Variants in CD163L1 observed in about 807,000 individuals in gnomAD.
CD163L1 encodes the protein CD163 molecule like 1.
Under a neutral mutation model 165.4 loss-of-function variants are expected in CD163L1, and 124 were observed. The observed-to-expected ratio is 0.75, with a 90% CI of 0.65 to 0.87. The LOEUF (loss-of-function observed/expected upper bound fraction) is 0.87, where lower values mean the gene tolerates loss of function less well. Ranked by LOEUF, CD163L1 falls within the 40% of genes least tolerant of loss-of-function variation. CD163L1 has a pLI of 0.00. For missense variants in CD163L1, 1,525 were observed against 1,799.9 expected (o/e 0.85, Z 2.76); for synonymous variants, 585 against 662.2 (o/e 0.88, Z 1.79).
In CD163L1 at chr12:7,432,585, T is replaced by C. The variant is rs1948647981; in HGVS notation, c.597A>G (p.Pro199=). The change falls in exon 4 of 20, where the codon CCA becomes CCG. Residue 199 remains proline, a synonymous_variant. Transcript: ENST00000313599. This position sits in a 1 kb window ranked among gnomAD's most constrained non-coding sequence, Gnocchi z 4.2. Reference sequence around the variant, plus strand: ...CAACTCCAGAAGAAATAAAAGAAGATGGACATCCTAGTTGCCTGCACACCA... The same window carrying C: ...CAACTCCAGAAGAAATAAAAGAAGACGGACATCCTAGTTGCCTGCACACCA... The part of the protein sequence containing the change: ...AAVVCRQLGC[P]SSFISSGVVN... The C allele has an allele frequency of 6.2e-7, 1 of 1,614,138 alleles. No homozygotes were observed. Among genetic ancestry groups the C allele is most frequent in the African/African-American group, 1.3e-5 (1 of 75,004 alleles).
the CD163L1 span, among the ~76,000 whole-genome samples, chr12:7,333,257 A>T: frequency 2.8e-3 from 431 of 152,328 alleles, 5 homozygotes; most frequent in African/African-American, 9.1e-3. Context: ...ACTCCTCAGC[A>T]AATGTAAAAG....
At chr12:7,431,365 C>T (rs1383008654) in intron 4 of CD163L1, among the ~76,000 whole-genome samples, 3 of 151,266 alleles carry the variant, frequency 2.0e-5, no homozygotes, top group Non-Finnish European at 2.9e-5. Flanking sequence ...TGCAGTGAGC[C>T]GAGATCATGC....
the CD163L1 span, chr12:7,327,082 A>T: frequency 1.9e-6 from 3 of 1,605,478 alleles, no homozygotes; most frequent in South Asian, 1.1e-5. Context: ...GCACCTTACA[A>T]ATATCCAAGA....
At chr12:7,360,137 T>C (rs529708836) in intron 18 of CD163L1, among the ~76,000 whole-genome samples, 1 of 152,104 alleles carries the variant, frequency 6.6e-6, no homozygotes, top group Non-Finnish European at 1.5e-5. Context: ...TCCAATGATA[T>C]GTACATCTTT....
chr12:7,334,745 T>C, the CD163L1 span, among the ~76,000 whole-genome samples: 1 of 152,154 alleles, frequency 6.6e-6, no homozygotes, highest in African/African-American at 2.4e-5. Context: ...GAAAACCCCA[T>C]TGTCTCAGCC....
chr12:7,372,694 A>T lies in CD163L1; in HGVS notation c.3730+626T>A, dbSNP rs181440055. Among the ~76,000 whole-genome samples the T allele has an allele frequency of 2.0e-5, 3 of 151,920 alleles. No homozygotes were observed. The highest frequency in any genetic ancestry group is 2.0e-4 in the Admixed American group (3 of 15,246). On this transcript the variant is annotated intron_variant, in intron 14 of 19. Coordinates refer to ENST00000313599, the MANE Select transcript of CD163L1 (RefSeq NM_174941.6). This position sits in a 1 kb window ranked among gnomAD's most constrained non-coding sequence, Gnocchi z 4.2. Reference sequence around the variant, plus strand: ...TATTTCATATACACATTTCATATACACAATCATAACTTTAAGTTTTTGTAC... The same window carrying T: ...TATTTCATATACACATTTCATATACTCAATCATAACTTTAAGTTTTTGTAC...
chr12:7,323,254 G>A, the CD163L1 span: 1 of 1,609,762 alleles, frequency 6.2e-7, no homozygotes, highest in Non-Finnish European at 8.5e-7. Context: ...GTGCCAATCA[G>A]AAAGGCCAAG....
chr12:7,394,775 T>C (rs569005770), intron 8 of CD163L1, among the ~76,000 whole-genome samples: 1 of 151,946 alleles, frequency 6.6e-6, no homozygotes, highest in Non-Finnish European at 1.5e-5. Flanking sequence ...CATCAAAAAG[T>C]AGGCAAAGGA....
chr12:7,324,434 T>C, the CD163L1 span: 5 of 1,613,910 alleles, frequency 3.1e-6, no homozygotes. Context: ...GAGGTAACAA[T>C]TCGACAGGGA....
chr12:7,362,925 C>T (rs1027534035), intron 18 of CD163L1, among the ~76,000 whole-genome samples: 10 of 151,200 alleles, frequency 6.6e-5, no homozygotes, highest in African/African-American at 1.9e-4. Flanking sequence ...TGGAATACTA[C>T]TCAGCCATGA....
At chr12:7,425,510 T>C (rs992855162) in intron 4 of CD163L1, among the ~76,000 whole-genome samples, 23 of 152,194 alleles carry the variant, frequency 1.5e-4, no homozygotes, top group African/African-American at 4.6e-4. Flanking sequence ...ACAGAGGTTC[T>C]GCTCTGCAAA....
At chr12:7,417,504 A>G (rs1223541382) in intron 4 of CD163L1, among the ~76,000 whole-genome samples, 1 of 152,112 alleles carries the variant, frequency 6.6e-6, no homozygotes, top group African/African-American at 2.4e-5. Context: ...TTCAAAGGGG[A>G]TGTTTCCAGC....
chr12:7,397,301 T>C (rs1398592721), intron 7 of CD163L1, among the ~76,000 whole-genome samples: 1 of 152,168 alleles, frequency 6.6e-6, no homozygotes, highest in Non-Finnish European at 1.5e-5. Context: ...GAGATTCAAA[T>C]TCCCAGCTGA....
chr12:7,416,141 A>G (rs1198563451), intron 4 of CD163L1, among the ~76,000 whole-genome samples: 1 of 152,124 alleles, frequency 6.6e-6, no homozygotes, highest in Non-Finnish European at 1.5e-5. Context: ...AATGTATCTC[A>G]TTGTGGTTTT....
At chr12:7,330,264 C>G in the CD163L1 span, among the ~76,000 whole-genome samples, 9 of 152,188 alleles carry the variant, frequency 5.9e-5, no homozygotes, top group African/African-American at 2.2e-4. Flanking sequence ...CCTATGTTCA[C>G]TAGCCATTAA....
At chr12:7,354,307 A>G (rs1483081194), downstream of CD163L1, among the ~76,000 whole-genome samples, 2 of 152,100 alleles carry the variant, frequency 1.3e-5, no homozygotes, top group African/African-American at 4.8e-5. Context: ...TATATGTGTT[A>G]TAATTCCTAT....
At chr12:7,392,964 T>C (rs746745850) in intron 8 of CD163L1, among the ~76,000 whole-genome samples, 56 of 152,176 alleles carry the variant, frequency 3.7e-4, no homozygotes, top group African/African-American at 1.2e-3. Context: ...CAGGACCAGA[T>C]GGATTCAGAG....
At chr12:7,387,633 T>G (rs147390543) in intron 8 of CD163L1, among the ~76,000 whole-genome samples, 4 of 152,308 alleles carry the variant, frequency 2.6e-5, no homozygotes, top group Middle Eastern at 6.8e-3. Flanking sequence ...CATGTGATGC[T>G]GGCTCCCCTT....
the CD163L1 span, chr12:7,323,646 G>A: frequency 5.0e-6 from 6 of 1,200,212 alleles, no homozygotes; most frequent in Non-Finnish European, 7.2e-6. Context: ...GTAATCTTGG[G>A]CAAGCAACAA....
Sources: gnomAD v4.1 joint callset for allele counts (sites outside exome capture counted in the v4.1 genomes callset) on GRCh38, gnomAD v4.1.1 for gene constraint, Gnocchi (gnomAD v3.1) non-coding constraint, MANE v1.5 for transcripts, NCBI Gene and HGNC (gene_info 2026-07-23, HGNC 2026-07-21) for gene names.